TEAD2: variants seen among roughly 807,000 people sequenced by gnomAD.
TEAD2 encodes the protein transcriptional enhancer factor TEF-4.
Under a neutral mutation model 61.4 loss-of-function variants are expected in TEAD2, and 51 were observed. The ratio of observed to expected loss-of-function variants is 0.83; its 90% CI spans 0.66 to 1.05. The LOEUF is 1.05. TEAD2 is among the 50% of genes least tolerant of loss of function. The probability of loss-of-function intolerance (pLI) is 0.00; values close to 1 mark genes in which losing one functional copy is unlikely to be tolerated. For synonymous variants in TEAD2, 244 were observed against 243.2 expected (o/e 1.00, Z -0.03); for missense variants, 509 against 600.0 (o/e 0.85, Z 1.58).
intron 7 of TEAD2, among the ~76,000 whole-genome samples, chr19:49,351,621 G>T (rs746639111): frequency 2.6e-5 from 4 of 152,140 alleles, no homozygotes; most frequent in Non-Finnish European, 5.9e-5. Flanking sequence ...CTTGAACCCA[G>T]GTCAGTCTCA....
At chr19:49,348,974 C>A in intron 8 of TEAD2, 129 bp from the exon 9 acceptor site, 1 of 1,285,830 alleles carries the variant, frequency 7.8e-7, no homozygotes, top group Non-Finnish European at 1.0e-6. Flanking sequence ...GCCTCCCTTG[C>A]AGTTAGAAGT....
At position 49,355,359 on chromosome 19, in the gene TEAD2, T is replaced by C. The variant is rs755722493; in HGVS notation, c.433A>G (p.Ile145Val). ...TMATMSSAQL[I>V]SAPSLQAKLG... ...TTGGCCTGCAGAGAAGGCGCGGAGA[T>C]GAGCTGGGCAGAGGACATGGTTGCC... Residue 145 changes from isoleucine to valine, a missense_variant, in exon 6 of 13, where the codon ATC (isoleucine) becomes GTC (valine). Transcript: ENST00000593945. 34 of 1,613,926 alleles carry C rather than the reference T, an allele frequency of 2.1e-5. No individual in the cohort carries two copies. Among genetic ancestry groups the C allele is most frequent in the Non-Finnish European group, 2.8e-5 (33 of 1,180,000 alleles).
At chr19:49,344,039 G>T (rs1971480015) in intron 10 of TEAD2, among the ~76,000 whole-genome samples, 2 of 151,968 alleles carry the variant, frequency 1.3e-5, no homozygotes, top group African/African-American at 4.8e-5. Flanking sequence ...TAGAAACAGG[G>T]TTTCACCATG....
At chr19:49,352,657 C>T (rs905286580) in intron 7 of TEAD2, among the ~76,000 whole-genome samples, 9 of 152,184 alleles carry the variant, frequency 5.9e-5, no homozygotes, top group Non-Finnish European at 4.4e-5. Context: ...CTGCCTCAGC[C>T]TTCCAAGTAG....
At position 49,351,289 on chromosome 19, in the gene TEAD2, G is replaced by A. The variant is rs372978204; in HGVS notation, c.604+12C>T. 1.3e-5 allele frequency: 21 copies of A among 1,609,012 alleles called. No homozygotes were observed. The East Asian group carries it at 2.5e-4, about 19-fold the overall frequency. On this transcript the variant is annotated intron_variant, in intron 8 of 12. Transcript: ENST00000593945. ...GAGGGGAGACAAGGGAGGGTGGAGC[G>A]CAGGCTCTTACCTGGGAGGTCAGTA...
intron 8 of TEAD2, 42 bp downstream of exon 8, chr19:49,351,259 A>G (rs1048661788): frequency 6.3e-7 from 1 of 1,578,570 alleles, no homozygotes; most frequent in Non-Finnish European, 8.6e-7. Context: ...GGGGTCGAAG[A>G]GAGAGAGGGG....
At chr19:49,353,608 C>G (rs1016005816) in intron 7 of TEAD2, among the ~76,000 whole-genome samples, 1 of 152,096 alleles carries the variant, frequency 6.6e-6, no homozygotes, top group Non-Finnish European at 1.5e-5. Context: ...AAGCGGAAAC[C>G]CCAGCGTCAG....
intron 10 of TEAD2, 81 bp downstream of exon 10, chr19:49,347,109 A>G: frequency 6.4e-7 from 1 of 1,556,996 alleles, no homozygotes; most frequent in Non-Finnish European, 8.7e-7. Flanking sequence ...AGGGCCCGCG[A>G]CAGATTCTCT....
intron 10 of TEAD2, among the ~76,000 whole-genome samples, chr19:49,343,862 G>GGT (rs902632335): frequency 2.7e-5 from 4 of 145,482 alleles, no homozygotes; most frequent in African/African-American, 5.0e-5. Flanking sequence ...TTTTGGGGGG[G>GGT]GGGGAACAGG....
chr19:49,358,190 C>T (rs980398218), intron 3 of TEAD2, among the ~76,000 whole-genome samples: 1 of 152,262 alleles, frequency 6.6e-6, no homozygotes, highest in African/African-American at 2.4e-5. Flanking sequence ...GCCAAGATCA[C>T]GCCACTGCAC....
At chr19:49,357,547 T>C in intron 3 of TEAD2, 1 of 584,596 alleles carries the variant, frequency 1.7e-6, no homozygotes, top group Non-Finnish European at 3.1e-6. Flanking sequence ...CCCTCCACCA[T>C]GCTCTCTCTG....
chr19:49,346,232 T>C (rs534046378), intron 10 of TEAD2, among the ~76,000 whole-genome samples: 77 of 150,354 alleles, frequency 5.1e-4, no homozygotes, highest in African/African-American at 1.7e-3. Context: ...GTAGTGTTAG[T>C]CATCATACTG....
rs114615717 is a variant in TEAD2, at chr19:49,340,635, A to C, written c.*689T>G. The C allele has an allele frequency of 8.1e-3, 4,252 of 527,560 alleles. 101 individuals carry two copies. Among genetic ancestry groups the C allele is most frequent in the African/African-American group, 0.054 (2,850 of 52,334 alleles). The allele number at this position is 527,560 out of a possible 1,614,324, so 32.7% of individuals were successfully genotyped here. ...CTTTATCCTCTGTCAGAACACAAAC[A>C]AACAAACTTTGAGAGGGGAGGAAGG... is the stretch of plus-strand genomic sequence containing the variant. On this transcript the variant is annotated 3_prime_UTR_variant, in exon 13 of 13. Transcript: ENST00000593945.
chr19:49,342,582 C>T lies in TEAD2; in HGVS notation c.1098G>A (p.Arg366=), dbSNP rs776341028. The change falls in exon 12 of 13, where the codon CGG becomes CGA. Residue 366 remains arginine, a synonymous_variant. Coordinates refer to ENST00000593945, the MANE Select transcript of TEAD2 (RefSeq NM_001256660.2). ...CAAATCTGCCGTCCTCCAGCTGGGCCCGTTCCGTCTGAACCAAGGGGAAGG... is the reference window on the plus strand; with the variant it reads ...CAAATCTGCCGTCCTCCAGCTGGGCTCGTTCCGTCTGAACCAAGGGGAAGG... ...KQVVEKVETE[R]AQLEDGRFVY... 5 of 1,612,440 alleles carry T rather than the reference C, an allele frequency of 3.1e-6. No individual in the cohort carries two copies. In the African/African-American group the frequency reaches 6.7e-5, roughly 22 times the overall value.
At chr19:49,351,498 GT>G (rs1222376517) in intron 7 of TEAD2, 133 bp from the exon 8 acceptor site, 8 of 775,626 alleles carry the variant, frequency 1.0e-5, no homozygotes, top group Admixed American at 2.9e-5. Context: ...CTCACAGTGC[GT>G]GAGGTAGGTA....
chr19:49,359,283 T>C lies in TEAD2; in HGVS notation c.297+152A>G, dbSNP rs144892285. ...AATAACCCAGCCTCGGGTAATTCTT[T>C]ATAGCAATACAAACGGACTAACACA... On this transcript the variant is annotated intron_variant, in intron 3 of 12. Transcript: ENST00000593945. This position sits in a 1 kb window ranked among gnomAD's most constrained non-coding sequence, Gnocchi z 4.1. 4,075 of 706,656 alleles carry C rather than the reference T, an allele frequency of 5.8e-3. 29 individuals carry two copies. The highest frequency in any genetic ancestry group is 8.6e-3 in the Non-Finnish European group (3,400 of 395,954). 43.8% of individuals were successfully genotyped at this position (706,656 alleles called of 1,614,324 possible). A position where few individuals can be genotyped will look rare whatever the true frequency, so the allele number is the denominator to read the frequency against.
intron 8 of TEAD2, among the ~76,000 whole-genome samples, chr19:49,350,309 AT>A (rs1305600602): frequency 2.6e-5 from 4 of 152,090 alleles, no homozygotes; most frequent in African/African-American, 9.6e-5. Flanking sequence ...TTTTCTTATT[AT>A]TTTTTATTTT....
intron 11 of TEAD2, among the ~76,000 whole-genome samples, 170 bp from the exon 12 acceptor site, chr19:49,342,760 A>G (rs1486144604): frequency 6.6e-6 from 1 of 152,002 alleles, no homozygotes; most frequent in African/African-American, 2.4e-5. Context: ...GAACCCTCGG[A>G]GATCCGAATC....
chr19:49,357,406 G>C lies in TEAD2; in HGVS notation c.298-92C>G, dbSNP rs1012506318. 5.4e-5 allele frequency: 70 copies of C among 1,295,952 alleles called. 1 individual carries two copies. Among genetic ancestry groups the C allele is most frequent in the Non-Finnish European group, 7.3e-5 (66 of 902,052 alleles). The allele number at this position is 1,295,952 out of a possible 1,614,324, so 80.3% of individuals were successfully genotyped here. ...CTCCCTCCAGGTGCCTCACTGAGCT[G>C]CTGGACCATGAAAGGTGAAAAACAC... On this transcript the variant is annotated intron_variant, in intron 3 of 12. Transcript: ENST00000593945.
Sources: allele counts gnomAD v4.1 joint callset (sites outside exome capture counted in the v4.1 genomes callset), GRCh38; gene constraint gnomAD v4.1.1; non-coding constraint Gnocchi (gnomAD v3.1); transcripts MANE v1.5; gene names NCBI Gene and HGNC (gene_info 2026-07-23, HGNC 2026-07-21).